Variants in MYT1L observed in about 807,000 individuals in gnomAD.
MYT1L encodes myelin transcription factor 1 like.
A neutral mutation model predicts 126.7 loss-of-function variants in MYT1L; 12 were observed. That is an observed-to-expected ratio of 0.09 (90% CI 0.06 to 0.15). The LOEUF is 0.15. MYT1L is among the 10% of genes least tolerant of loss of function. The pLI is 1.00. For missense variants in MYT1L, 979 were observed against 1,585.2 expected (o/e 0.62, Z 6.49); for synonymous variants, 541 against 604.2 (o/e 0.90, Z 1.53).
intron 3 of MYT1L, among the ~76,000 whole-genome samples, chr2:2,154,884 T>C (rs552313103): frequency 1.3e-5 from 2 of 152,292 alleles, no homozygotes; most frequent in South Asian, 4.1e-4. Flanking sequence ...CCCAACACTT[T>C]GGGAGGCTGA....
chr2:2,136,919 T>A (rs1031754178), intron 3 of MYT1L, among the ~76,000 whole-genome samples: 3 of 152,218 alleles, frequency 2.0e-5, no homozygotes, highest in South Asian at 2.1e-4. Flanking sequence ...GCAGATGACA[T>A]GATTGTATAT....
chr2:2,325,870 T>C (rs1300782616), intron 1 of MYT1L: 2 of 152,256 alleles, frequency 1.3e-5, no homozygotes, highest in Admixed American at 1.3e-4. Flanking sequence ...CAAGAGACTT[T>C]AGGAAGTGTT....
At chr2:2,183,979 A>AG (rs2091837942) in intron 2 of MYT1L, among the ~76,000 whole-genome samples, 1 of 145,950 alleles carries the variant, frequency 6.9e-6, no homozygotes, top group African/African-American at 2.6e-5. Context: ...AAGAGAAAGA[A>AG]AGAGAGAGAG....
intron 18 of MYT1L, among the ~76,000 whole-genome samples, chr2:1,859,983 G>A (rs1039054039): frequency 6.6e-6 from 1 of 152,242 alleles, no homozygotes; most frequent in African/African-American, 2.4e-5. Context: ...CCACGGCAGC[G>A]TCACTGTCCA....
intron 3 of MYT1L, among the ~76,000 whole-genome samples, chr2:2,115,459 T>C (rs2080075505): frequency 6.6e-6 from 1 of 152,170 alleles, no homozygotes; most frequent in African/African-American, 2.4e-5. Flanking sequence ...GTGACAGGCA[T>C]AGGAAGGTTC....
chr2:1,906,385 G>T (rs2051059939), intron 13 of MYT1L, among the ~76,000 whole-genome samples: 1 of 151,958 alleles, frequency 6.6e-6, no homozygotes, highest in Non-Finnish European at 1.5e-5. Context: ...TCATTTTGTT[G>T]CTGTTATAAA....
At chr2:1,969,287 G>A (rs1342618249) in intron 8 of MYT1L, among the ~76,000 whole-genome samples, 3 of 152,250 alleles carry the variant, frequency 2.0e-5, no homozygotes, top group Non-Finnish European at 4.4e-5. Flanking sequence ...TCTGTGAGCT[G>A]CAGGCAGAAT....
At chr2:2,180,831 T>C (rs946710072) in intron 2 of MYT1L, among the ~76,000 whole-genome samples, 1 of 151,524 alleles carries the variant, frequency 6.6e-6, no homozygotes, top group Non-Finnish European at 1.5e-5. Flanking sequence ...TACCTGTGTG[T>C]GCACCTATAT....
At chr2:2,247,082 A>G (rs906143967) in intron 2 of MYT1L, among the ~76,000 whole-genome samples, 2 of 152,206 alleles carry the variant, frequency 1.3e-5, no homozygotes, top group African/African-American at 2.4e-5. Context: ...CTCTCCAATC[A>G]AAAGATAGAG....
At chr2:2,040,873 C>G (rs1417225265) in intron 4 of MYT1L, among the ~76,000 whole-genome samples, 4 of 152,096 alleles carry the variant, frequency 2.6e-5, no homozygotes, top group Admixed American at 2.6e-4. Flanking sequence ...TTCTACTTTT[C>G]TACTTGCATT....
chr2:2,282,823 C>T (rs760282765), intron 2 of MYT1L, among the ~76,000 whole-genome samples: 1 of 152,148 alleles, frequency 6.6e-6, no homozygotes, highest in Non-Finnish European at 1.5e-5. Flanking sequence ...ACCTGTAATC[C>T]CAGCACTTTG....
At chr2:2,306,437 G>T (rs913952239) in intron 1 of MYT1L, among the ~76,000 whole-genome samples, 1 of 152,154 alleles carries the variant, frequency 6.6e-6, no homozygotes, top group South Asian at 2.1e-4. Context: ...GAGTCTGGAC[G>T]TCTGGCTCCT....
chr2:1,975,889 G>A (rs1403876018), intron 8 of MYT1L, among the ~76,000 whole-genome samples: 5 of 151,974 alleles, frequency 3.3e-5, no homozygotes, highest in Non-Finnish European at 7.4e-5. Flanking sequence ...TAAATGGCTG[G>A]CATCATTTTA....
At chr2:1,965,752 G>A (rs927421985) in intron 8 of MYT1L, among the ~76,000 whole-genome samples, 5 of 152,198 alleles carry the variant, frequency 3.3e-5, no homozygotes, top group Non-Finnish European at 5.9e-5. Context: ...TGGGCACCGC[G>A]GGCTGATTCA....
chr2:2,215,784 C>T (rs2093658053), intron 2 of MYT1L, among the ~76,000 whole-genome samples: 1 of 152,136 alleles, frequency 6.6e-6, no homozygotes, highest in Admixed American at 6.5e-5. Flanking sequence ...GGATATTTGT[C>T]CCTGCCCAAA....
At chr2:2,305,707 A>G (rs371663553) in intron 1 of MYT1L, among the ~76,000 whole-genome samples, 11 of 152,178 alleles carry the variant, frequency 7.2e-5, no homozygotes, top group African/African-American at 1.7e-4. Context: ...ACTTACTATC[A>G]TGGTGGAAGA....
chr2:2,144,713 G>A (rs2084611707), intron 3 of MYT1L, among the ~76,000 whole-genome samples: 2 of 152,092 alleles, frequency 1.3e-5, no homozygotes, highest in Non-Finnish European at 2.9e-5. Flanking sequence ...TACATGTAAT[G>A]GAATCGTTTG....
At chr2:1,967,919 C>T (rs937215543) in intron 8 of MYT1L, among the ~76,000 whole-genome samples, 2 of 152,192 alleles carry the variant, frequency 1.3e-5, no homozygotes, top group African/African-American at 4.8e-5. Flanking sequence ...TCTGTGTGTC[C>T]TCAGGGAGCC....
chr2:1,888,418 T>C (rs1182386951), intron 16 of MYT1L, among the ~76,000 whole-genome samples: 3 of 152,248 alleles, frequency 2.0e-5, no homozygotes, highest in African/African-American at 7.2e-5. Flanking sequence ...AGAATGCAGA[T>C]AATAGGCTTA....
Sources: gnomAD v4.1 joint callset for allele counts (sites outside exome capture counted in the v4.1 genomes callset) on GRCh38, gnomAD v4.1.1 for gene constraint, MANE v1.5 for transcripts, NCBI Gene and HGNC (gene_info 2026-07-23, HGNC 2026-07-21) for gene names.